LYPD6: variants seen among roughly 807,000 people sequenced by gnomAD.
The protein encoded by LYPD6 is ly6/PLAUR domain-containing protein 6.
A neutral mutation model predicts 22.7 loss-of-function variants in LYPD6; 15 were observed. That is an observed-to-expected ratio of 0.66 (90% CI 0.44 to 1.02). The LOEUF (loss-of-function observed/expected upper bound fraction) is 1.02, where lower values mean the gene tolerates loss of function less well. LYPD6 is among the 50% of genes least tolerant of loss of function. The pLI is 0.00. For synonymous variants in LYPD6, 72 were observed against 77.5 expected, an observed-to-expected ratio of 0.93 and a Z score of 0.37; for missense variants, 189 against 208.4, an observed-to-expected ratio of 0.91 and a Z score of 0.57.
rs539607143 is a variant in LYPD6, at chr2:149,458,252, T to A, written c.217+9105T>A. Among the ~76,000 whole-genome samples the A allele has an allele frequency of 2.0e-5, 3 of 152,280 alleles. No homozygotes were observed. In the East Asian group the frequency reaches 5.8e-4, roughly 29 times the overall value. The stretch of plus-strand genomic sequence containing the variant: ...GGCAGTAACAAGGTCTCTTCCACAG[T>A]GTCAATGGAGACCGTGTTAGGGAGC... On this transcript the variant is annotated intron_variant, in intron 3 of 4. Transcript: ENST00000334166.
At chr2:149,484,536 C>T in the LYPD6 span, among the ~76,000 whole-genome samples, 2 of 92,180 alleles carry the variant, frequency 2.2e-5, no homozygotes, top group Non-Finnish European at 5.4e-5. Context: ...CACAGACCTT[C>T]CTAGCTCCAT....
intron 1 of LYPD6, among the ~76,000 whole-genome samples, chr2:149,337,648 T>C (rs184685742): frequency 1.3e-5 from 2 of 152,272 alleles, no homozygotes; most frequent in East Asian, 3.9e-4. Flanking sequence ...AAAACTTATA[T>C]TTTAGGTTCA....
intron 1 of LYPD6, among the ~76,000 whole-genome samples, chr2:149,431,121 A>G (rs1683302952): frequency 6.6e-6 from 1 of 152,232 alleles, no homozygotes; most frequent in Non-Finnish European, 1.5e-5. Flanking sequence ...TAAATCTGTC[A>G]GAGCGGTATT....
At chr2:149,422,987 T>C (rs923174275) in intron 1 of LYPD6, among the ~76,000 whole-genome samples, 2 of 152,164 alleles carry the variant, frequency 1.3e-5, no homozygotes, top group Admixed American at 1.3e-4. Context: ...ATCAAATAAG[T>C]ATACCCCTTG....
intron 1 of LYPD6, among the ~76,000 whole-genome samples, chr2:149,359,598 C>T (rs1031818863): frequency 6.6e-6 from 1 of 152,196 alleles, no homozygotes; most frequent in African/African-American, 2.4e-5. Context: ...AGTGACTTGA[C>T]ATCACAAGGC....
intron 1 of LYPD6, among the ~76,000 whole-genome samples, chr2:149,401,881 A>G (rs1485964402): frequency 6.6e-6 from 1 of 151,878 alleles, no homozygotes; most frequent in Non-Finnish European, 1.5e-5. Context: ...CTTCCCCCGA[A>G]TCCCCAAAGT....
intron 1 of LYPD6, among the ~76,000 whole-genome samples, chr2:149,371,904 G>A (rs1681818623): frequency 6.6e-6 from 1 of 152,028 alleles, no homozygotes; most frequent in East Asian, 1.9e-4. Flanking sequence ...GAGGGGTATT[G>A]GACCATCGAG....
chr2:149,416,226 C>T (rs1428078452), intron 1 of LYPD6, among the ~76,000 whole-genome samples: 17 of 152,180 alleles, frequency 1.1e-4, no homozygotes, highest in Admixed American at 1.1e-3. Flanking sequence ...CTGAGCTGCC[C>T]ACTCTGAGTT....
downstream of LYPD6, among the ~76,000 whole-genome samples, chr2:149,477,523 T>A (rs1403700924): frequency 1.4e-5 from 2 of 147,918 alleles, no homozygotes; most frequent in Non-Finnish European, 3.0e-5. Context: ...CTTGGGAGGC[T>A]GAGGCAGGAG....
chr2:149,390,752 G>A (rs1167519210), intron 1 of LYPD6, among the ~76,000 whole-genome samples: 1 of 152,162 alleles, frequency 6.6e-6, no homozygotes, highest in African/African-American at 2.4e-5. Context: ...ACAGAGTAGT[G>A]TAGACAGTTA....
At chr2:149,481,426 A>G in the LYPD6 span, among the ~76,000 whole-genome samples, 2 of 152,258 alleles carry the variant, frequency 1.3e-5, no homozygotes, top group East Asian at 1.9e-4. Flanking sequence ...GTTGAGTGCT[A>G]TGAGAATGGA....
chr2:149,475,253 G>A (rs551940030), downstream of LYPD6, among the ~76,000 whole-genome samples: 32 of 152,236 alleles, frequency 2.1e-4, no homozygotes, highest in Admixed American at 7.8e-4. Context: ...TGAAGTACAT[G>A]AAAACACTGA....
At chr2:149,481,568 C>T in the LYPD6 span, among the ~76,000 whole-genome samples, 2 of 152,082 alleles carry the variant, frequency 1.3e-5, no homozygotes, top group African/African-American at 2.4e-5. Flanking sequence ...AAAAACAAAT[C>T]GTGACAATGT....
chr2:149,405,101 A>G (rs948029806), intron 1 of LYPD6, among the ~76,000 whole-genome samples: 10 of 152,018 alleles, frequency 6.6e-5, no homozygotes, highest in African/African-American at 2.4e-4. Flanking sequence ...ATCATGGTGG[A>G]TAAGCTTTTT....
At chr2:149,371,129 G>A (rs973792694) in intron 1 of LYPD6, among the ~76,000 whole-genome samples, 2 of 152,168 alleles carry the variant, frequency 1.3e-5, no homozygotes, top group Non-Finnish European at 2.9e-5. Context: ...CAGGGGGCGA[G>A]ACCATGGCTC....
At chr2:149,401,390 C>G (rs544031885) in intron 1 of LYPD6, among the ~76,000 whole-genome samples, 20 of 152,180 alleles carry the variant, frequency 1.3e-4, no homozygotes, top group Admixed American at 5.9e-4. Context: ...GCAGAAGTGC[C>G]AGGCACAGGA....
At chr2:149,479,476 G>C in the LYPD6 span, among the ~76,000 whole-genome samples, 6 of 152,156 alleles carry the variant, frequency 3.9e-5, no homozygotes, top group East Asian at 1.2e-3. Flanking sequence ...TCAAACTCAA[G>C]CACCTCCGTT....
Position 149,437,625 on chromosome 2 carries a change from C to A in LYPD6, c.-71-13C>A. The A allele has an allele frequency of 1.9e-6, 3 of 1,581,304 alleles. No individual in the cohort carries two copies. The highest frequency in any genetic ancestry group is 2.6e-6 in the Non-Finnish European group (3 of 1,162,966). On this transcript the variant is annotated splice_polypyrimidine_tract_variant and intron_variant, in intron 1 of 4. Transcript: ENST00000334166. ...CAGTCGATCACTGAGATGATTCTTT[C>A]TTCATTTTTCAGGTGCAAGTTCTCT... is the stretch of plus-strand genomic sequence containing the variant.
rs116042672 is a variant in LYPD6 at position 149,452,659 on chromosome 2, C to T, written c.217+3512C>T. Among the ~76,000 whole-genome samples, 1,175 of 152,198 alleles carry T rather than the reference C, an allele frequency of 7.7e-3. 13 individuals are homozygous for T. The highest frequency in any genetic ancestry group is 0.026 in the African/African-American group (1,079 of 41,512). On this transcript the variant is annotated intron_variant, in intron 3 of 4. Coordinates refer to ENST00000334166, the MANE Select transcript of LYPD6 (RefSeq NM_194317.5). ...TCATCTAAGTATTCAATCTTATAAACGCAGAATAAGTGCACACCCCAAATT... is the reference window on the plus strand; with the variant it reads ...TCATCTAAGTATTCAATCTTATAAATGCAGAATAAGTGCACACCCCAAATT...
Sources: allele counts gnomAD v4.1 joint callset (sites outside exome capture counted in the v4.1 genomes callset), GRCh38; gene constraint gnomAD v4.1.1; transcripts MANE v1.5; gene names NCBI Gene and HGNC (gene_info 2026-07-23, HGNC 2026-07-21).